The following SELENOF variants were observed in gnomAD, a reference collection of about 807,000 sequenced individuals.
SELENOF encodes the protein selenoprotein F.
In SELENOF, 16 loss-of-function variants were observed where a neutral mutation model predicts 20.5. That is an observed-to-expected ratio of 0.78 (90% CI 0.53 to 1.19). The LOEUF (loss-of-function observed/expected upper bound fraction) is 1.19. Ranked by LOEUF, SELENOF falls within the 50% of genes most tolerant of loss-of-function variation. The pLI, the probability that SELENOF is intolerant of heterozygous loss-of-function variation, is 0.00. For missense variants in SELENOF, 215 were observed against 194.2 expected (o/e 1.11, Z -0.64); for synonymous variants, 78 against 74.5 (o/e 1.05, Z -0.24).
At chr1:86,880,293 G>A (rs991499089) in intron 3 of SELENOF, among the ~76,000 whole-genome samples, 9 of 151,958 alleles carry the variant, frequency 5.9e-5, no homozygotes, top group East Asian at 1.9e-4. Flanking sequence ...CCGCCACCGC[G>A]CCCAGCTAAT....
chr1:86,869,977 G>A (rs1408318183), intron 3 of SELENOF, among the ~76,000 whole-genome samples: 1 of 152,128 alleles, frequency 6.6e-6, no homozygotes, highest in Non-Finnish European at 1.5e-5. Context: ...GTTTCACCAT[G>A]TTAGCCAGGA....
chr1:86,900,449 G>A (rs575444534), intron 2 of SELENOF, among the ~76,000 whole-genome samples: 186 of 152,334 alleles, frequency 1.2e-3, no homozygotes, highest in Admixed American at 5.0e-3. Flanking sequence ...CCAGTCAGGC[G>A]TGGCGGCACG....
intron 2 of SELENOF, among the ~76,000 whole-genome samples, chr1:86,883,064 T>C (rs1040122378): frequency 6.6e-6 from 1 of 150,706 alleles, no homozygotes; most frequent in Admixed American, 6.6e-5. Flanking sequence ...AAGCAGAGGT[T>C]GCAGTGAGCT....
intron 1 of SELENOF, among the ~76,000 whole-genome samples, chr1:86,909,622 G>A (rs1219284565): frequency 1.3e-5 from 2 of 152,212 alleles, no homozygotes; most frequent in Non-Finnish European, 2.9e-5. Context: ...TTGGCACGGG[G>A]ACAGGAGGAG....
At chr1:86,866,230 C>CTGTGTGTGTGTGTGTGTGTGTGTG (rs60714256) in intron 4 of SELENOF, among the ~76,000 whole-genome samples, 2 of 113,680 alleles carry the variant, frequency 1.8e-5, no homozygotes, top group African/African-American at 3.4e-5. Context: ...GTGTGTGTCT[C>CTGTGTGTGTGTGTGTGTGTGTGTG]TGTGTGTGTG....
At chr1:86,878,496 A>G (rs984295097) in intron 3 of SELENOF, among the ~76,000 whole-genome samples, 3 of 152,188 alleles carry the variant, frequency 2.0e-5, no homozygotes, top group African/African-American at 7.2e-5. Context: ...CCTGGCCAAC[A>G]TGGCAAAACC....
chr1:86,898,674 C>G (rs374628453), intron 2 of SELENOF, among the ~76,000 whole-genome samples: 1 of 149,990 alleles, frequency 6.7e-6, no homozygotes, highest in African/African-American at 2.5e-5. Context: ...CTCTGCTTCA[C>G]GGGTTCAAGC....
rs1192529989 is a variant in SELENOF at position 86,899,405 on chromosome 1, G to T, written c.252+3876C>A. On this transcript the variant is annotated intron_variant, in intron 2 of 4. Transcript: ENST00000331835. Reference sequence around the variant, plus strand: ...CACCTCCCGGACGGGACGGCTGGCCGGGCAGGGGGCCGACCCCCCCCACCT... The same window carrying T: ...CACCTCCCGGACGGGACGGCTGGCCTGGCAGGGGGCCGACCCCCCCCACCT... 2.7e-4 allele frequency among the ~76,000 whole-genome samples: 35 copies of T among 128,220 alleles called. 6 individuals carry two copies. The highest frequency in any genetic ancestry group is 1.2e-3 in the African/African-American group (33 of 27,838). 84.1% of individuals were successfully genotyped at this position (128,220 alleles called of 152,430 possible). A position where few individuals can be genotyped will look rare whatever the true frequency, so the allele number is the denominator to read the frequency against.
At chr1:86,910,277 G>A (rs1224060907) in intron 1 of SELENOF, among the ~76,000 whole-genome samples, 1 of 152,206 alleles carries the variant, frequency 6.6e-6, no homozygotes, top group African/African-American at 2.4e-5. Context: ...TATGATGGCT[G>A]TCTTTGGGAA....
At chr1:86,907,978 C>T (rs534517776) in intron 1 of SELENOF, among the ~76,000 whole-genome samples, 3 of 147,106 alleles carry the variant, frequency 2.0e-5, no homozygotes, top group South Asian at 2.1e-4. Context: ...AAGTGTGAAT[C>T]GCCATCTCAA....
At chr1:86,868,879 T>G (rs182258456) in intron 3 of SELENOF, among the ~76,000 whole-genome samples, 1 of 151,982 alleles carries the variant, frequency 6.6e-6, no homozygotes, top group Non-Finnish European at 1.5e-5. Flanking sequence ...AAAATAAAAA[T>G]GATAAACTGA....
At chr1:86,879,166 TATAA>T (rs1658998679) in intron 3 of SELENOF, among the ~76,000 whole-genome samples, 1 of 152,132 alleles carries the variant, frequency 6.6e-6, no homozygotes, top group Non-Finnish European at 1.5e-5. Context: ...AACAAGTAAG[TATAA>T]ATAATCAATG....
chr1:86,898,578 TTC>T (rs1406371618), intron 2 of SELENOF, among the ~76,000 whole-genome samples: 1 of 141,962 alleles, frequency 7.0e-6, no homozygotes, highest in African/African-American at 2.8e-5. Flanking sequence ...CTTTCTCTTC[TTC>T]TTTTTTTTTT....
upstream of SELENOF, chr1:86,914,287 C>T: frequency 1.6e-6 from 1 of 620,060 alleles, no homozygotes; most frequent in Non-Finnish European, 2.9e-6. Context: ...TCACTGGGTG[C>T]TTTCGATTAC....
rs1322049103 is a variant in SELENOF at position 86,881,635 on chromosome 1, A to G, written c.253-910T>C. 2.0e-5 allele frequency among the ~76,000 whole-genome samples: 3 copies of G among 151,716 alleles called. No individual in the cohort carries two copies. In the East Asian group the frequency reaches 6.1e-4, roughly 31 times the overall value. ...AAACAGCATTTACTTAATTAAAAAC[A>G]ACAACAACAACAACAACACATGCCC... On this transcript the variant is annotated intron_variant, in intron 2 of 4. Transcript: ENST00000331835.
intron 1 of SELENOF, among the ~76,000 whole-genome samples, chr1:86,909,937 G>A (rs906638556): frequency 1.3e-5 from 2 of 152,162 alleles, no homozygotes; most frequent in African/African-American, 2.4e-5. Flanking sequence ...CCCGAGAGGC[G>A]GAGATTGCAC....
At chr1:86,882,874 C>A (rs930668660) in intron 2 of SELENOF, among the ~76,000 whole-genome samples, 2 of 152,146 alleles carry the variant, frequency 1.3e-5, no homozygotes, top group Non-Finnish European at 2.9e-5. Context: ...GCCTGTAATT[C>A]CAGCACTTTG....
intron 2 of SELENOF, among the ~76,000 whole-genome samples, chr1:86,884,758 A>G (rs1659170626): frequency 6.6e-6 from 1 of 152,242 alleles, no homozygotes; most frequent in Non-Finnish European, 1.5e-5. Context: ...AACTTCTAAC[A>G]GCAAGTTGGT....
intron 2 of SELENOF, among the ~76,000 whole-genome samples, chr1:86,898,359 C>T (rs512912): frequency 0.3 from 45,530 of 151,992 alleles, 8,865 homozygotes; most frequent in African/African-American, 0.55. Flanking sequence ...TTTTCTGCTT[C>T]TTTGGGAATA....
Sources: allele counts gnomAD v4.1 joint callset (sites outside exome capture counted in the v4.1 genomes callset), GRCh38; gene constraint gnomAD v4.1.1; transcripts MANE v1.5; gene names NCBI Gene and HGNC (gene_info 2026-07-23, HGNC 2026-07-21).